CACNA2D4: variants seen among roughly 807,000 people sequenced by gnomAD.
The protein encoded by CACNA2D4 is voltage-dependent calcium channel subunit alpha-2/delta-4.
A neutral mutation model predicts 163.8 loss-of-function variants in CACNA2D4; 157 were observed. The ratio of observed to expected loss-of-function variants is 0.96; its 90% CI spans 0.84 to 1.09. The LOEUF is 1.09. CACNA2D4 is among the 50% of genes least tolerant of loss of function. The probability of loss-of-function intolerance (pLI) is 0.00; values close to 1 mark genes in which losing one functional copy is unlikely to be tolerated. For synonymous variants in CACNA2D4, 598 were observed against 586.9 expected (o/e 1.02, Z -0.27); for missense variants, 1,410 against 1,479.9 (o/e 0.95, Z 0.78).
chr12:1,866,467 C>T (rs1407522535), intron 18 of CACNA2D4, among the ~76,000 whole-genome samples: 3 of 152,128 alleles, frequency 2.0e-5, no homozygotes, highest in Non-Finnish European at 4.4e-5. Context: ...CTTTTATTAA[C>T]CCACATTATT....
intron 6 of CACNA2D4, among the ~76,000 whole-genome samples, chr12:1,904,718 G>T (rs1489475401): frequency 6.6e-6 from 1 of 151,608 alleles, no homozygotes; most frequent in African/African-American, 2.4e-5. Flanking sequence ...TAATCCCTCT[G>T]GTAACCAGAA....
At chr12:1,879,511 G>T (rs1364337312) in intron 14 of CACNA2D4, among the ~76,000 whole-genome samples, 1 of 152,140 alleles carries the variant, frequency 6.6e-6, no homozygotes, top group Non-Finnish European at 1.5e-5. Context: ...GAAGGCTGAC[G>T]GGAAACCCTC....
chr12:1,886,498 C>T (rs1315618099), intron 7 of CACNA2D4, 125 bp from the exon 8 acceptor site: 1 of 810,854 alleles, frequency 1.2e-6, no homozygotes, highest in Non-Finnish European at 1.9e-6. Context: ...CAGGGCAACC[C>T]ATCTATGCCA....
At chr12:1,912,097 G>A (rs1866838832) in intron 3 of CACNA2D4, among the ~76,000 whole-genome samples, 1 of 152,178 alleles carries the variant, frequency 6.6e-6, no homozygotes, top group South Asian at 2.1e-4. Flanking sequence ...GGGGGTGGGG[G>A]TACACTGACA....
chr12:1,882,753 C>G, intron 13 of CACNA2D4, 114 bp downstream of exon 13: 1 of 1,092,990 alleles, frequency 9.1e-7, no homozygotes, highest in Admixed American at 2.2e-5. Context: ...TCTTAATGTT[C>G]CCTAAGGAGG....
chr12:1,796,518 C>T (rs1565667470), intron 35 of CACNA2D4, among the ~76,000 whole-genome samples: 1 of 152,220 alleles, frequency 6.6e-6, no homozygotes, highest in Non-Finnish European at 1.5e-5. Context: ...TACTCTGAAG[C>T]CCTCGCTTCA....
intron 9 of CACNA2D4, 46 bp downstream of exon 9, chr12:1,885,919 G>T: frequency 1.4e-6 from 2 of 1,407,318 alleles, no homozygotes; most frequent in Non-Finnish European, 2.0e-6. Flanking sequence ...CCACCATCCA[G>T]ACAAGAGCAG....
intron 26 of CACNA2D4, among the ~76,000 whole-genome samples, chr12:1,840,494 T>C (rs1370376660): frequency 3.9e-5 from 6 of 152,096 alleles, no homozygotes; most frequent in Non-Finnish European, 7.4e-5. Flanking sequence ...CTGTTCCGTG[T>C]GGCCGTGCAG....
intron 18 of CACNA2D4, among the ~76,000 whole-genome samples, chr12:1,871,554 T>G (rs894798929): frequency 6.7e-6 from 1 of 149,616 alleles, no homozygotes; most frequent in Non-Finnish European, 1.5e-5. Context: ...TGTGTACACG[T>G]GTGTGCTGGT....
chr12:1,804,121 CTGTGTG>C lies in CACNA2D4; in HGVS notation c.2722-2483_2722-2478del, dbSNP rs57706301. Among the ~76,000 whole-genome samples, 763 of 139,130 alleles carry C rather than the reference CTGTGTG, an allele frequency of 5.5e-3. 7 individuals carry two copies. Among genetic ancestry groups the C allele is most frequent in the South Asian group, 0.02 (81 of 4,028 alleles). The allele number at this position is 139,130 out of a possible 152,430, so 91.3% of individuals were successfully genotyped here. A position where few individuals can be genotyped will look rare whatever the true frequency, so the allele number is the denominator to read the frequency against. On this transcript the variant is annotated intron_variant, in intron 29 of 37. Transcript: ENST00000382722. Reference sequence around the variant, plus strand: ...GGCTCGCTTTTTGCTATTCTAGTTACTGTGTGTGTGTGTGTGTGTGTGTGTGTGTGT... The same window carrying C: ...GGCTCGCTTTTTGCTATTCTAGTTACTGTGTGTGTGTGTGTGTGTGTGTGT...
At chr12:1,871,609 C>T (rs1054970801) in intron 18 of CACNA2D4, among the ~76,000 whole-genome samples, 1 of 148,140 alleles carries the variant, frequency 6.8e-6, no homozygotes, top group African/African-American at 2.5e-5. Flanking sequence ...CACATGTATG[C>T]CGCTCGTGTG....
chr12:1,896,812 G>A (rs1866418892), intron 6 of CACNA2D4, among the ~76,000 whole-genome samples: 1 of 152,094 alleles, frequency 6.6e-6, no homozygotes, highest in African/African-American at 2.4e-5. Context: ...TTATCCAAAG[G>A]GAAAGAAATC....
Position 1,875,416 on chromosome 12 carries a change from C to T in CACNA2D4, c.1720-79G>A, listed in dbSNP as rs1210454357. The T allele has an allele frequency of 5.6e-6, 5 of 897,000 alleles. No individual in the cohort carries two copies. The highest frequency in any genetic ancestry group is 2.4e-5 in the East Asian group (1 of 41,262). The allele number at this position is 897,000 out of a possible 1,614,324, so 55.6% of individuals were successfully genotyped here. A position where few individuals can be genotyped will look rare whatever the true frequency, so the allele number is the denominator to read the frequency against. ...AGTTTATCTCTTCTACAAAGCCTTT[C>T]AGGTATATTCATAAAAGCAAAGGAT... is the stretch of plus-strand genomic sequence containing the variant. On this transcript the variant is annotated intron_variant, in intron 16 of 37. Transcript: ENST00000382722. The surrounding 1 kb of genome is among the most constrained non-coding windows in gnomAD (Gnocchi z 4.0).
chr12:1,795,913 C>G, intron 35 of CACNA2D4, 133 bp from the exon 36 acceptor site: 1 of 683,698 alleles, frequency 1.5e-6, no homozygotes, highest in Non-Finnish European at 2.6e-6. Context: ...CAGGGCGGGT[C>G]GGGGCAGCTA....
intron 18 of CACNA2D4, among the ~76,000 whole-genome samples, chr12:1,873,046 CCT>C (rs1162414737): frequency 6.6e-6 from 1 of 152,098 alleles, no homozygotes. Context: ...AAGTTTTTAG[CCT>C]CTCTGAATAT....
chr12:1,830,990 C>A, intron 26 of CACNA2D4: 1 of 1,613,990 alleles, frequency 6.2e-7, no homozygotes, highest in Non-Finnish European at 8.5e-7. Context: ...CCTGCCCTTT[C>A]TCCTGCAAGT....
In CACNA2D4 at chr12:1,858,755, C is replaced by G; in HGVS notation, c.1941-111G>C. 4 of 721,176 alleles carry G rather than the reference C, an allele frequency of 5.5e-6. No homozygotes were observed. The Admixed American group carries it at 1.2e-4, about 21-fold the overall frequency. 44.7% of individuals were successfully genotyped at this position (721,176 alleles called of 1,614,324 possible). A position where few individuals can be genotyped will look rare whatever the true frequency, so the allele number is the denominator to read the frequency against. On this transcript the variant is annotated intron_variant, in intron 19 of 37. Transcript: ENST00000382722. Reference sequence around the variant, plus strand: ...TAGGTGTATGGGCTTTTTGTACCCACGACGAGTGGTGTGCTCCTCATGCCC... The same window carrying G: ...TAGGTGTATGGGCTTTTTGTACCCAGGACGAGTGGTGTGCTCCTCATGCCC...
chr12:1,862,429 G>T (rs1047987821), intron 18 of CACNA2D4, among the ~76,000 whole-genome samples: 4 of 151,982 alleles, frequency 2.6e-5, no homozygotes, highest in Admixed American at 6.6e-5. Context: ...GCAGTTTTTT[G>T]GTTTTTGTTT....
At chr12:1,841,913 T>A (rs1865032605) in intron 25 of CACNA2D4, among the ~76,000 whole-genome samples, 1 of 152,190 alleles carries the variant, frequency 6.6e-6, no homozygotes. Flanking sequence ...AGGTTGTCCT[T>A]GATTCTAGAA....
Sources: allele counts gnomAD v4.1 joint callset (sites outside exome capture counted in the v4.1 genomes callset), GRCh38; gene constraint gnomAD v4.1.1; non-coding constraint Gnocchi (gnomAD v3.1); transcripts MANE v1.5; gene names NCBI Gene and HGNC (gene_info 2026-07-23, HGNC 2026-07-21).